The following RAB28 variants were observed in gnomAD, a reference collection of about 807,000 sequenced individuals.
RAB28 encodes RAB28, member RAS oncogene family, also known as ras-related protein Rab-28.
A neutral mutation model predicts 31.7 loss-of-function variants in RAB28; 24 were observed. That is an observed-to-expected ratio of 0.76 (90% CI 0.55 to 1.06). The LOEUF (loss-of-function observed/expected upper bound fraction) is 1.06, where lower values mean the gene tolerates loss of function less well. RAB28 is among the 50% of genes least tolerant of loss of function. The pLI is 0.00. For synonymous variants in RAB28, 100 were observed against 90.4 expected (o/e 1.11, Z -0.60); for missense variants, 254 against 258.5 (o/e 0.98, Z 0.12).
At chr4:13,409,335 T>A (rs968642284) in intron 4 of RAB28, among the ~76,000 whole-genome samples, 5 of 152,210 alleles carry the variant, frequency 3.3e-5, no homozygotes, top group Non-Finnish European at 7.4e-5. Context: ...CGGTACATTA[T>A]AATTGATTCC....
At chr4:13,429,492 CA>C (rs1427855781) in intron 4 of RAB28, among the ~76,000 whole-genome samples, 4 of 152,068 alleles carry the variant, frequency 2.6e-5, no homozygotes, top group African/African-American at 9.7e-5. Flanking sequence ...TATCAATGAA[CA>C]ATTCAAATAT....
At chr4:13,431,713 C>G (rs1713814845) in intron 4 of RAB28, among the ~76,000 whole-genome samples, 1 of 152,054 alleles carries the variant, frequency 6.6e-6, no homozygotes, top group Non-Finnish European at 1.5e-5. Flanking sequence ...CCCCTGAAAG[C>G]ACCCAGAAAC....
In RAB28 at chr4:13,398,651, G is replaced by A. The variant is rs530202767; in HGVS notation, c.392-17057C>T. Among the ~76,000 whole-genome samples, 6 of 152,020 alleles carry A rather than the reference G, an allele frequency of 3.9e-5. No individual in the cohort carries two copies. The East Asian group carries it at 7.8e-4, about 20-fold the overall frequency. On this transcript the variant is annotated intron_variant, in intron 4 of 6. Coordinates refer to ENST00000330852, the MANE Select transcript of RAB28 (RefSeq NM_001017979.3). Reference sequence around the variant, plus strand: ...AAATTAGCCGGGCATGATGGCGGGCGCCTGTAGTCCCAGCTACTCGGGAGG... The same window carrying A: ...AAATTAGCCGGGCATGATGGCGGGCACCTGTAGTCCCAGCTACTCGGGAGG...
intron 4 of RAB28, among the ~76,000 whole-genome samples, chr4:13,396,991 CAACAAATT>C (rs1011535337): frequency 2.3e-4 from 35 of 151,920 alleles, no homozygotes; most frequent in Admixed American, 4.6e-4. Context: ...AAACAAAAAC[CAACAAATT>C]AACAAAGCAC....
chr4:13,375,176 A>G (rs563518570), intron 6 of RAB28, among the ~76,000 whole-genome samples: 1 of 152,278 alleles, frequency 6.6e-6, no homozygotes, highest in Non-Finnish European at 1.5e-5. Flanking sequence ...ATTAATGGTT[A>G]GTGATCAAGT....
chr4:13,480,583 T>G (rs1716566139), intron 1 of RAB28, among the ~76,000 whole-genome samples: 1 of 151,890 alleles, frequency 6.6e-6, no homozygotes, highest in African/African-American at 2.4e-5. Flanking sequence ...TGGCCAAACT[T>G]CAATTCCTTT....
At chr4:13,428,596 G>A (rs1054905626) in intron 4 of RAB28, among the ~76,000 whole-genome samples, 3 of 152,206 alleles carry the variant, frequency 2.0e-5, no homozygotes, top group South Asian at 2.1e-4. Flanking sequence ...AGGATTTGAA[G>A]ATAGATCGGT....
At chr4:13,431,638 C>A (rs1004381541) in intron 4 of RAB28, among the ~76,000 whole-genome samples, 1 of 152,046 alleles carries the variant, frequency 6.6e-6, no homozygotes, top group African/African-American at 2.4e-5. Context: ...CTACAACAAG[C>A]AGCATCTGAG....
At chr4:13,380,731 T>C (rs1376324688) in intron 5 of RAB28, among the ~76,000 whole-genome samples, 2 of 152,070 alleles carry the variant, frequency 1.3e-5, no homozygotes, top group East Asian at 3.8e-4. Context: ...CAATCTCCTT[T>C]CAAGGAATCT....
At chr4:13,446,566 T>G (rs1214427541) in intron 4 of RAB28, among the ~76,000 whole-genome samples, 2 of 152,116 alleles carry the variant, frequency 1.3e-5, no homozygotes, top group African/African-American at 4.8e-5. Context: ...CCGGGGTAGG[T>G]AGCACAGGAC....
chr4:13,417,041 C>T (rs1004593445), intron 4 of RAB28, among the ~76,000 whole-genome samples: 2 of 152,202 alleles, frequency 1.3e-5, no homozygotes, highest in South Asian at 2.1e-4. Flanking sequence ...TCAAATACTG[C>T]GCTTTTCCAA....
intron 4 of RAB28, among the ~76,000 whole-genome samples, chr4:13,415,666 A>G (rs116685096): frequency 0.061 from 9,217 of 151,070 alleles, 654 homozygotes; most frequent in African/African-American, 0.17. Flanking sequence ...CCCTCCAACC[A>G]CGCCACCCTG....
At chr4:13,389,447 TG>T (rs528992836) in intron 4 of RAB28, among the ~76,000 whole-genome samples, 77 of 152,266 alleles carry the variant, frequency 5.1e-4, no homozygotes, top group African/African-American at 1.4e-3. Context: ...TGGTAAATTT[TG>T]TAGTTTTTTA....
chr4:13,407,065 T>A (rs954611797), intron 4 of RAB28, among the ~76,000 whole-genome samples: 2 of 152,176 alleles, frequency 1.3e-5, no homozygotes, highest in Admixed American at 6.6e-5. Context: ...AGTCATGAAG[T>A]CATGAAGTCT....
At chr4:13,460,883 TAATG>T in intron 3 of RAB28, 55 bp from the exon 4 acceptor site, 1 of 1,522,308 alleles carries the variant, frequency 6.6e-7, no homozygotes, top group Non-Finnish European at 9.0e-7. Context: ...GAAAAAATCT[TAATG>T]AATACTTGCG....
chr4:13,483,443 A>G (rs1245054873), intron 1 of RAB28, among the ~76,000 whole-genome samples: 1 of 152,248 alleles, frequency 6.6e-6, no homozygotes, highest in Non-Finnish European at 1.5e-5. Context: ...CAGGTATGAT[A>G]TTAAAATAGC....
chr4:13,368,775 G>T (rs1326634018), intron 6 of RAB28, 125 bp from the exon 7 acceptor site: 2 of 705,402 alleles, frequency 2.8e-6, no homozygotes, highest in African/African-American at 1.9e-5. Flanking sequence ...AATGAAGCAG[G>T]AGTTGATATT....
chr4:13,375,768 AACAC>A (rs377543521), intron 6 of RAB28, among the ~76,000 whole-genome samples: 10 of 148,134 alleles, frequency 6.8e-5, no homozygotes, highest in Admixed American at 4.0e-4. Flanking sequence ...ATTGTTTTAA[AACAC>A]ACACACACAC....
intron 4 of RAB28, among the ~76,000 whole-genome samples, chr4:13,459,073 C>T (rs575717606): frequency 7.9e-5 from 12 of 152,314 alleles, no homozygotes; most frequent in African/African-American, 2.9e-4. Context: ...TTTGCTGAGT[C>T]TTCCGGCCTC....
Sources: allele counts gnomAD v4.1 joint callset (sites outside exome capture counted in the v4.1 genomes callset), GRCh38; gene constraint gnomAD v4.1.1; transcripts MANE v1.5; gene names NCBI Gene and HGNC (gene_info 2026-07-23, HGNC 2026-07-21).